Variants in HMOX2 observed in about 807,000 individuals in gnomAD.
HMOX2 encodes the protein heme oxygenase (decycling) 2.
In HMOX2, 30 loss-of-function variants were observed where a neutral mutation model predicts 33.7. That is an observed-to-expected ratio of 0.89 (90% confidence interval 0.67 to 1.21). The LOEUF (loss-of-function observed/expected upper bound fraction) is 1.21, where lower values mean the gene tolerates loss of function less well. Among genes scored for constraint, HMOX2 ranks in the 50% most tolerant of loss-of-function variants. The pLI, the probability that HMOX2 is intolerant of heterozygous loss-of-function variation, is 0.00. For synonymous variants in HMOX2, 155 were observed against 155.0 expected, an observed-to-expected ratio of 1.00 and a Z score of 0.00; for missense variants, 403 against 399.1, an observed-to-expected ratio of 1.01 and a Z score of -0.08.
At chr16:4,477,497 TAAAAAAAAAAAA>T (rs35695989) in intron 1 of HMOX2, among the ~76,000 whole-genome samples, 5 of 72,654 alleles carry the variant, frequency 6.9e-5, no homozygotes, top group African/African-American at 1.6e-4. Flanking sequence ...AGACTCCATC[TAAAAAAAAAAAA>T]AAAAAAAAAA....
chr16:4,494,693 A>G (rs1450046352), intron 1 of HMOX2, among the ~76,000 whole-genome samples: 1 of 152,170 alleles, frequency 6.6e-6, no homozygotes, highest in East Asian at 1.9e-4. Context: ...AGCCTGGACA[A>G]CATGGTGAAA....
intron 4 of HMOX2, 152 bp downstream of exon 4, chr16:4,508,356 G>A: frequency 1.2e-6 from 1 of 836,452 alleles, no homozygotes; most frequent in Non-Finnish European, 1.9e-6. Context: ...GGCCACCAGA[G>A]CTTGTGGGCC....
At chr16:4,493,527 C>T (rs2058350553) in intron 1 of HMOX2, among the ~76,000 whole-genome samples, 1 of 152,184 alleles carries the variant, frequency 6.6e-6, no homozygotes, top group Non-Finnish European at 1.5e-5. Context: ...GTAGCTGGCC[C>T]AAGTCCACCC....
At chr16:4,498,484 C>T (rs1206031911) in intron 1 of HMOX2, among the ~76,000 whole-genome samples, 1 of 151,898 alleles carries the variant, frequency 6.6e-6, no homozygotes, top group Non-Finnish European at 1.5e-5. Flanking sequence ...AAAAGATCCT[C>T]TTGCCCCAGT....
intron 1 of HMOX2, chr16:4,495,898 A>G (rs1014048025): frequency 6.6e-6 from 1 of 152,138 alleles, no homozygotes; most frequent in Non-Finnish European, 1.5e-5. Flanking sequence ...GCCTCTTTTC[A>G]GGCACTGAGT....
At chr16:4,479,109 C>T (rs1238113649) in intron 1 of HMOX2, among the ~76,000 whole-genome samples, 2 of 152,132 alleles carry the variant, frequency 1.3e-5, no homozygotes, top group Non-Finnish European at 2.9e-5. Context: ...CAAGATCATG[C>T]CATTGCACTC....
intron 1 of HMOX2, chr16:4,476,753 C>A (rs1027084073): frequency 1.1e-4 from 17 of 152,294 alleles, no homozygotes; most frequent in Middle Eastern, 3.1e-3. Flanking sequence ...GAAGTCGTCT[C>A]CCCGGGGGCG....
chr16:4,498,049 A>G (rs1291281503), intron 1 of HMOX2, among the ~76,000 whole-genome samples: 1 of 146,314 alleles, frequency 6.8e-6, no homozygotes, highest in Non-Finnish European at 1.5e-5. Flanking sequence ...CCACTTTTCC[A>G]GGATTCATTG....
chr16:4,508,295 C>G, intron 4 of HMOX2, 91 bp downstream of exon 4: 1 of 1,391,402 alleles, frequency 7.2e-7, no homozygotes, highest in East Asian at 2.3e-5. Context: ...GCACACATGG[C>G]ATTAGGACAG....
At chr16:4,495,502 C>T (rs2058396765) in intron 1 of HMOX2, 1 of 152,168 alleles carries the variant, frequency 6.6e-6, no homozygotes, top group African/African-American at 2.4e-5. Context: ...GTGAAGAAGC[C>T]TAGGAATAAT....
intron 1 of HMOX2, among the ~76,000 whole-genome samples, chr16:4,490,843 T>C (rs1324365859): frequency 6.6e-6 from 1 of 152,184 alleles, no homozygotes; most frequent in Non-Finnish European, 1.5e-5. Flanking sequence ...GCACACTGCT[T>C]TTGTGGTCCG....
chr16:4,486,548 A>G (rs1004235845), intron 1 of HMOX2, among the ~76,000 whole-genome samples: 15 of 152,192 alleles, frequency 9.9e-5, no homozygotes, highest in Non-Finnish European at 1.9e-4. Context: ...GTTTTTTGGA[A>G]GGTCACGAAC....
intron 1 of HMOX2, chr16:4,495,811 A>G (rs1388682527): frequency 1.3e-5 from 2 of 152,190 alleles, no homozygotes; most frequent in Admixed American, 6.5e-5. Context: ...TGCAGACCCT[A>G]TTGTGACCTC....
At chr16:4,508,336 C>T (rs1163712203) in intron 4 of HMOX2, 132 bp downstream of exon 4, 1 of 1,072,750 alleles carries the variant, frequency 9.3e-7, no homozygotes, top group African/African-American at 1.6e-5. Flanking sequence ...AGGAAGGTGG[C>T]CACCAGATTG....
intron 1 of HMOX2, among the ~76,000 whole-genome samples, chr16:4,497,759 T>C (rs1251141570): frequency 1.3e-5 from 2 of 150,980 alleles, no homozygotes; most frequent in Non-Finnish European, 2.9e-5. Flanking sequence ...AGTTGTCTTT[T>C]TTATTCAATG....
intron 1 of HMOX2, among the ~76,000 whole-genome samples, chr16:4,489,723 C>T (rs1376402047): frequency 2.0e-5 from 3 of 152,030 alleles, no homozygotes; most frequent in Non-Finnish European, 4.4e-5. Flanking sequence ...CCTCCCAAGG[C>T]GCTGGGATTA....
intron 1 of HMOX2, among the ~76,000 whole-genome samples, chr16:4,499,067 G>A (rs1050728459): frequency 1.3e-5 from 2 of 152,196 alleles, no homozygotes; most frequent in African/African-American, 4.8e-5. Context: ...TGGAGAATGA[G>A]GTCTGAGTCA....
At chr16:4,479,107 T>C (rs2141503069) in intron 1 of HMOX2, among the ~76,000 whole-genome samples, 1 of 152,232 alleles carries the variant, frequency 6.6e-6, no homozygotes, top group South Asian at 2.1e-4. Context: ...GCCAAGATCA[T>C]GCCATTGCAC....
At chr16:4,503,069 C>T (rs566316941) in intron 1 of HMOX2, 1 of 152,218 alleles carries the variant, frequency 6.6e-6, no homozygotes, top group Non-Finnish European at 1.5e-5. Flanking sequence ...CCCACCTCGG[C>T]CTCCCAAAGT....
Sources: allele counts gnomAD v4.1 joint callset (sites outside exome capture counted in the v4.1 genomes callset), GRCh38; gene constraint gnomAD v4.1.1; transcripts MANE v1.5; gene names NCBI Gene and HGNC (gene_info 2026-07-23, HGNC 2026-07-21).